Variants in VPS35L observed in about 807,000 individuals in gnomAD.
VPS35L encodes VPS35 endosomal protein sorting factor like, also known as VPS35 endosomal protein-sorting factor-like.
In VPS35L, 83 loss-of-function variants were observed where a neutral mutation model predicts 133.0. The ratio of observed to expected loss-of-function variants is 0.62; its 90% CI spans 0.52 to 0.75. The LOEUF (loss-of-function observed/expected upper bound fraction) is 0.75. Among genes scored for constraint, VPS35L ranks in the 30% least tolerant of loss-of-function variants. The probability of loss-of-function intolerance (pLI) is 0.00; values close to 1 mark genes in which losing one functional copy is unlikely to be tolerated. For missense variants in VPS35L, 1,083 were observed against 1,206.8 expected (o/e 0.90, Z 1.52); for synonymous variants, 423 against 449.9 (o/e 0.94, Z 0.76).
chr16:19,570,151 C>T (rs543455191), intron 3 of VPS35L, among the ~76,000 whole-genome samples: 61 of 152,068 alleles, frequency 4.0e-4, no homozygotes, highest in Non-Finnish European at 7.5e-4. Flanking sequence ...CTGCAGCCTC[C>T]GACTCCGGGT....
At chr16:19,700,319 G>C in intron 30 of VPS35L, 59 bp from the exon 31 acceptor site, 5 of 1,432,420 alleles carry the variant, frequency 3.5e-6, no homozygotes, top group Non-Finnish European at 4.9e-6. Flanking sequence ...ATTCATTAGA[G>C]CCTTGGGCTC....
At chr16:19,694,397 A>G (rs1975827503) in intron 29 of VPS35L, 1 of 152,146 alleles carries the variant, frequency 6.6e-6, no homozygotes, top group South Asian at 2.1e-4. Context: ...CTTTCAGCCT[A>G]CAGGAATAAT....
At chr16:19,607,068 G>A (rs748301283) in intron 9 of VPS35L, among the ~76,000 whole-genome samples, 8 of 152,232 alleles carry the variant, frequency 5.3e-5, no homozygotes, top group Non-Finnish European at 1.2e-4. Context: ...CATGGTGTTT[G>A]TAAGTTTTGT....
intron 6 of VPS35L, among the ~76,000 whole-genome samples, chr16:19,580,577 C>T (rs1008536800): frequency 1.3e-5 from 2 of 152,062 alleles, no homozygotes; most frequent in Admixed American, 6.6e-5. Flanking sequence ...ATTTACTGTG[C>T]GTCAGGGACC....
At chr16:19,596,840 T>C (rs571866429) in intron 8 of VPS35L, among the ~76,000 whole-genome samples, 1 of 149,586 alleles carries the variant, frequency 6.7e-6, no homozygotes, top group South Asian at 2.1e-4. Flanking sequence ...GGCAACATGG[T>C]GAAACCCGTC....
rs575108491 is a variant in VPS35L, at chr16:19,572,830, G to A, written c.286-289G>A. Among the ~76,000 whole-genome samples, 16 of 151,990 alleles carry A rather than the reference G, an allele frequency of 1.1e-4. No individual in the cohort carries two copies. The South Asian group carries it at 1.7e-3, about 16-fold the overall frequency. On this transcript the variant is annotated intron_variant, in intron 3 of 30. Transcript: ENST00000417362. ...CCTGAGTAGCTGGGACTACAGGCAT[G>A]CACCTGGCTAATTTTTGTATTTTTA...
intron 14 of VPS35L, among the ~76,000 whole-genome samples, chr16:19,622,015 T>C (rs12933872): frequency 6.6e-6 from 1 of 152,030 alleles, no homozygotes; most frequent in Admixed American, 6.6e-5. Flanking sequence ...TGAGATACAG[T>C]AAACCTCACG....
At chr16:19,615,115 G>A (rs1972842646) in intron 12 of VPS35L, among the ~76,000 whole-genome samples, 6 of 152,146 alleles carry the variant, frequency 3.9e-5, no homozygotes, top group South Asian at 4.1e-4. Context: ...CTCACGTACC[G>A]TAATCTTTGT....
At chr16:19,602,399 C>T (rs1972412858) in intron 9 of VPS35L, among the ~76,000 whole-genome samples, 1 of 152,160 alleles carries the variant, frequency 6.6e-6, no homozygotes, top group African/African-American at 2.4e-5. Context: ...CCACTTCCCT[C>T]CGCTCCTGCA....
chr16:19,578,773 A>G, intron 5 of VPS35L: 1 of 448,130 alleles, frequency 2.2e-6, no homozygotes, highest in Non-Finnish European at 4.1e-6. Flanking sequence ...TTAGGAATAA[A>G]CAGATGATAC....
intron 5 of VPS35L, among the ~76,000 whole-genome samples, chr16:19,575,861 AAT>A (rs1971516106): frequency 6.9e-6 from 1 of 144,134 alleles, no homozygotes; most frequent in Admixed American, 7.1e-5. Flanking sequence ...GTATTAAAAA[AAT>A]ATATATATAT....
chr16:19,576,692 G>A (rs1037685201), intron 5 of VPS35L, among the ~76,000 whole-genome samples: 2 of 151,992 alleles, frequency 1.3e-5, no homozygotes, highest in Non-Finnish European at 2.9e-5. Flanking sequence ...GAGACAGCAC[G>A]TTAGAAATCA....
At chr16:19,693,959 G>GAAAAAAAAAAAAAAAA (rs915757096) in intron 29 of VPS35L, 1 of 92,374 alleles carries the variant, frequency 1.1e-5, no homozygotes, top group Non-Finnish European at 2.4e-5. Flanking sequence ...CAAAAAAAAA[G>GAAAAAAAAAAAAAAAA]AAAAAAAAAA....
intron 8 of VPS35L, among the ~76,000 whole-genome samples, chr16:19,596,567 A>T (rs1252231940): frequency 6.6e-6 from 1 of 151,732 alleles, no homozygotes; most frequent in Non-Finnish European, 1.5e-5. Context: ...GAGTCACTGC[A>T]CCTGGCCTAA....
intron 28 of VPS35L, among the ~76,000 whole-genome samples, chr16:19,684,495 G>A (rs1012509093): frequency 2.0e-5 from 3 of 152,196 alleles, no homozygotes; most frequent in Non-Finnish European, 2.9e-5. Context: ...AATGCAGGGA[G>A]GCTGGTTCAT....
chr16:19,648,874 CAA>C (rs552677405), intron 24 of VPS35L, among the ~76,000 whole-genome samples: 40,554 of 91,088 alleles, frequency 0.45, 5,599 homozygotes, highest in African/African-American at 0.49. Context: ...GACTCCATCT[CAA>C]AAAAAAAAAA....
chr16:19,624,569 A>G (rs1230585855), intron 14 of VPS35L, among the ~76,000 whole-genome samples: 1 of 151,626 alleles, frequency 6.6e-6, no homozygotes, highest in Non-Finnish European at 1.5e-5. Flanking sequence ...TGGGCAACAG[A>G]GTAAGACTCG....
chr16:19,559,963 A>G (rs918455355), intron 1 of VPS35L, among the ~76,000 whole-genome samples: 1 of 152,150 alleles, frequency 6.6e-6, no homozygotes, highest in African/African-American at 2.4e-5. Flanking sequence ...TTGGCCTCCC[A>G]AAGTGCTGGG....
chr16:19,561,497 C>T (rs918056149), intron 1 of VPS35L, among the ~76,000 whole-genome samples: 32 of 152,208 alleles, frequency 2.1e-4, no homozygotes, highest in African/African-American at 7.2e-4. Context: ...GAGCTCAATT[C>T]GTTTGTGCTG....
Sources: allele counts gnomAD v4.1 joint callset (sites outside exome capture counted in the v4.1 genomes callset), GRCh38; gene constraint gnomAD v4.1.1; transcripts MANE v1.5; gene names NCBI Gene and HGNC (gene_info 2026-07-23, HGNC 2026-07-21).